Variants in PSD3 observed in about 807,000 individuals in gnomAD.
The protein encoded by PSD3 is PH and SEC7 domain-containing protein 3.
PSD3 carries 49 observed loss-of-function variants against 105.5 expected under a neutral mutation model. The observed-to-expected ratio is 0.46, with a 90% CI of 0.37 to 0.59. The LOEUF is 0.59. Among genes scored for constraint, PSD3 ranks in the 20% least tolerant of loss-of-function variants. PSD3 has a pLI of 0.00. For missense variants in PSD3, 1,561 were observed against 1,263.8 expected (o/e 1.24, Z -3.57); for synonymous variants, 557 against 457.8 (o/e 1.22, Z -2.77).
At chr8:18,736,470 T>C (rs1804160412) in intron 9 of PSD3, among the ~76,000 whole-genome samples, 1 of 152,200 alleles carries the variant, frequency 6.6e-6, no homozygotes, top group Non-Finnish European at 1.5e-5. Flanking sequence ...GACGAGTATG[T>C]GTTAGTAAAC....
chr8:19,044,387 C>T (rs983847195), intron 1 of PSD3, among the ~76,000 whole-genome samples: 6 of 152,050 alleles, frequency 3.9e-5, no homozygotes, highest in Admixed American at 6.6e-5. Context: ...AGCTTTGGAG[C>T]GTCAGATAGG....
chr8:18,680,579 T>C (rs1211299557), intron 9 of PSD3, among the ~76,000 whole-genome samples: 3 of 152,194 alleles, frequency 2.0e-5, no homozygotes, highest in Non-Finnish European at 4.4e-5. Context: ...TTCCAAAACA[T>C]ATTCAGATTT....
At chr8:18,578,289 G>GTTGA (rs1271403312) in intron 12 of PSD3, among the ~76,000 whole-genome samples, 4 of 152,026 alleles carry the variant, frequency 2.6e-5, no homozygotes, top group African/African-American at 9.7e-5. Context: ...ATTCACTTGG[G>GTTGA]TTGATAATTG....
chr8:18,899,636 T>C (rs1423953423), intron 2 of PSD3, among the ~76,000 whole-genome samples: 1 of 152,082 alleles, frequency 6.6e-6, no homozygotes, highest in Admixed American at 6.5e-5. Flanking sequence ...GTTGAACTCA[T>C]AGAGTTCTGG....
At chr8:18,603,596 A>G (rs960337903) in intron 11 of PSD3, among the ~76,000 whole-genome samples, 2 of 152,178 alleles carry the variant, frequency 1.3e-5, no homozygotes, top group African/African-American at 4.8e-5. Context: ...CATTGTTGCA[A>G]TGTTGATAGT....
chr8:19,083,876 A>G (rs910998108), intron 1 of PSD3, among the ~76,000 whole-genome samples: 4 of 152,240 alleles, frequency 2.6e-5, no homozygotes, highest in South Asian at 2.1e-4. Context: ...ACAGGACCCA[A>G]TAAATGTCTG....
At chr8:18,604,354 G>A (rs1420983542) in intron 11 of PSD3, among the ~76,000 whole-genome samples, 1 of 152,194 alleles carries the variant, frequency 6.6e-6, no homozygotes, top group Non-Finnish European at 1.5e-5. Flanking sequence ...TTGAACTTGA[G>A]AGTGATGATT....
chr8:18,624,540 G>C (rs1403367219), intron 11 of PSD3, among the ~76,000 whole-genome samples: 2 of 94,592 alleles, frequency 2.1e-5, no homozygotes, highest in Admixed American at 1.6e-4. Flanking sequence ...CTGTTGTGGG[G>C]TGGGGGGAGG....
At chr8:18,663,111 C>T (rs1809478408) in intron 9 of PSD3, among the ~76,000 whole-genome samples, 1 of 152,154 alleles carries the variant, frequency 6.6e-6, no homozygotes, top group African/African-American at 2.4e-5. Context: ...TGGCCAGCAT[C>T]TCTGGGGATG....
chr8:18,621,677 A>G (rs13263020), intron 11 of PSD3, among the ~76,000 whole-genome samples: 24,799 of 152,054 alleles, frequency 0.16, 2,277 homozygotes, highest in Middle Eastern at 0.37. Flanking sequence ...TTGGCCTTGT[A>G]TTAACATCTT....
chr8:18,965,038 T>C (rs111364968), intron 1 of PSD3, among the ~76,000 whole-genome samples: 13 of 152,336 alleles, frequency 8.5e-5, no homozygotes, highest in African/African-American at 3.1e-4. Context: ...TAAAAAGCTA[T>C]TTTTAAATGC....
chr8:18,590,188 A>G (rs918873310), intron 12 of PSD3, among the ~76,000 whole-genome samples: 1 of 152,242 alleles, frequency 6.6e-6, no homozygotes, highest in East Asian at 1.9e-4. Context: ...CATTATTATA[A>G]TATTTTGAAA....
At chr8:18,777,760 C>T (rs1182118487) in intron 8 of PSD3, among the ~76,000 whole-genome samples, 1 of 152,066 alleles carries the variant, frequency 6.6e-6, no homozygotes, top group African/African-American at 2.4e-5. Context: ...AGGACTTATT[C>T]CTTCTAACTA....
At chr8:18,982,478 G>C (rs1246167166) in intron 1 of PSD3, among the ~76,000 whole-genome samples, 1 of 152,062 alleles carries the variant, frequency 6.6e-6, no homozygotes, top group Non-Finnish European at 1.5e-5. Context: ...AATTGACTTT[G>C]CCCACATCCA....
At chr8:19,039,628 C>G (rs13255941) in intron 1 of PSD3, among the ~76,000 whole-genome samples, 107,863 of 152,060 alleles carry the variant, frequency 0.71, 38,947 homozygotes, top group African/African-American at 0.86. Context: ...CAACCCTTCA[C>G]ACCTGTGGCT....
At chr8:18,852,236 A>G (rs75801361) in intron 4 of PSD3, among the ~76,000 whole-genome samples, 12,027 of 152,216 alleles carry the variant, frequency 0.079, 1,272 homozygotes, top group African/African-American at 0.24. Context: ...ACCATGGAAT[A>G]AAAATATTAT....
Position 18,677,083 on chromosome 8 carries a change from C to T in PSD3, c.2173-21398G>A, listed in dbSNP as rs190794556. Reference sequence around the variant, plus strand: ...ATCACTCTATCAGGAGCATAGTGTGCTCAACATTTACTCCTAAGTAATCAT... The same window carrying T: ...ATCACTCTATCAGGAGCATAGTGTGTTCAACATTTACTCCTAAGTAATCAT... On this transcript the variant is annotated intron_variant, in intron 9 of 15. Coordinates refer to ENST00000327040, the MANE Select transcript of PSD3 (RefSeq NM_015310.4). 1.2e-3 allele frequency among the ~76,000 whole-genome samples: 185 copies of T among 152,266 alleles called. 2 individuals are homozygous for T. The highest frequency in any genetic ancestry group is 0.01 in the Middle Eastern group (3 of 294).
At chr8:18,971,477 G>A (rs1341983601) in intron 1 of PSD3, among the ~76,000 whole-genome samples, 1 of 152,140 alleles carries the variant, frequency 6.6e-6, no homozygotes, top group East Asian at 1.9e-4. Context: ...CCACTCTCCT[G>A]AGAAAATACC....
chr8:18,984,472 T>C (rs1825398450), intron 1 of PSD3, among the ~76,000 whole-genome samples: 1 of 152,110 alleles, frequency 6.6e-6, no homozygotes, highest in African/African-American at 2.4e-5. Context: ...AGTTAAACAG[T>C]ATTAAGTGCA....
Sources: gnomAD v4.1 joint callset for allele counts (sites outside exome capture counted in the v4.1 genomes callset) on GRCh38, gnomAD v4.1.1 for gene constraint, MANE v1.5 for transcripts, NCBI Gene and HGNC (gene_info 2026-07-23, HGNC 2026-07-21) for gene names.